RAB6B: variants seen among roughly 807,000 people sequenced by gnomAD.
RAB6B encodes the protein RAB6B, member RAS oncogene family.
Under a neutral mutation model 31.2 loss-of-function variants are expected in RAB6B, and 7 were observed. The ratio of observed to expected loss-of-function variants is 0.22; its 90% CI spans 0.13 to 0.42. The LOEUF (loss-of-function observed/expected upper bound fraction) is 0.42. Ranked by LOEUF, RAB6B falls within the 10% of genes least tolerant of loss-of-function variation. The pLI is 1.00. For missense variants in RAB6B, 149 were observed against 280.6 expected (o/e 0.53, Z 3.35); for synonymous variants, 105 against 104.9 (o/e 1.00, Z -0.01).
intron 1 of RAB6B, among the ~76,000 whole-genome samples, chr3:133,869,041 G>C (rs116553060): frequency 6.6e-6 from 1 of 152,176 alleles, no homozygotes; most frequent in African/African-American, 2.4e-5. Flanking sequence ...CAGGGGTGCA[G>C]GTGGCCGGGC....
chr3:133,833,218 C>A (rs145686758), intron 7 of RAB6B, among the ~76,000 whole-genome samples: 10 of 152,298 alleles, frequency 6.6e-5, no homozygotes, highest in Admixed American at 1.3e-4. Context: ...GGGGCTCTCT[C>A]CTGAGCTCTG....
At chr3:133,871,981 G>A (rs1534169) in intron 1 of RAB6B, among the ~76,000 whole-genome samples, 47,936 of 152,148 alleles carry the variant, frequency 0.32, 9,160 homozygotes, top group Non-Finnish European at 0.43. Flanking sequence ...GAGAGGGCAG[G>A]CAGGACAGAT....
At chr3:133,851,590 A>G (rs1935985071) in intron 2 of RAB6B, among the ~76,000 whole-genome samples, 1 of 152,202 alleles carries the variant, frequency 6.6e-6, no homozygotes, top group Non-Finnish European at 1.5e-5. Flanking sequence ...CACATGAGTG[A>G]TATCAAGAAG....
chr3:133,877,358 G>C (rs947035673), intron 1 of RAB6B, among the ~76,000 whole-genome samples: 1 of 152,350 alleles, frequency 6.6e-6, no homozygotes, highest in East Asian at 1.9e-4. Context: ...AAATGGACTA[G>C]AGGAAACAGT....
At chr3:133,855,908 G>A (rs1436629164) in intron 2 of RAB6B, among the ~76,000 whole-genome samples, 1 of 152,160 alleles carries the variant, frequency 6.6e-6, no homozygotes, top group Non-Finnish European at 1.5e-5. Context: ...CGGTAATGGT[G>A]TGACTCAATT....
chr3:133,828,845 G>A lies in RAB6B; in HGVS notation c.570C>T (p.Asp190=). Reference sequence around the variant, plus strand: ...GCTCCTGGGGTTTGTCCAGCTTGATGTCGATCACTGCAGGGGGACGGGCTA... The same window carrying A: ...GCTCCTGGGGTTTGTCCAGCTTGATATCGATCACTGCAGGGGGACGGGCTA... ...VQEKSKEGMI[D]IKLDKPQEPP... is the part of the protein sequence containing the mutation. The change falls in exon 8 of 8, where the codon GAC becomes GAT. Residue 190 remains aspartate, a synonymous_variant. Transcript: ENST00000285208. 1 of 1,612,484 alleles carries A rather than the reference G, an allele frequency of 6.2e-7. No individual in the cohort carries two copies. Among genetic ancestry groups the A allele is most frequent in the South Asian group, 1.1e-5 (1 of 90,996 alleles).
intron 1 of RAB6B, among the ~76,000 whole-genome samples, chr3:133,873,310 A>T (rs1936351162): frequency 6.6e-6 from 1 of 152,160 alleles, no homozygotes; most frequent in African/African-American, 2.4e-5. Context: ...GTTGCTGGGG[A>T]CATGACGGTC....
intron 2 of RAB6B, among the ~76,000 whole-genome samples, chr3:133,845,187 G>A (rs540020219): frequency 4.6e-5 from 7 of 152,262 alleles, no homozygotes; most frequent in South Asian, 2.1e-4. Context: ...TAAATCTATC[G>A]CTGTGGTCTG....
chr3:133,883,969 A>C (rs1043873693), intron 1 of RAB6B, among the ~76,000 whole-genome samples: 2 of 152,124 alleles, frequency 1.3e-5, no homozygotes, highest in Non-Finnish European at 2.9e-5. Flanking sequence ...CAGCCTTCCA[A>C]ACCAGTTTTT....
intron 2 of RAB6B, among the ~76,000 whole-genome samples, chr3:133,859,682 A>C (rs1281252116): frequency 6.6e-6 from 1 of 152,322 alleles, no homozygotes; most frequent in East Asian, 1.9e-4. Context: ...CATGTTGAAT[A>C]AAGCATAGCC....
intron 2 of RAB6B, among the ~76,000 whole-genome samples, chr3:133,844,025 TCAAAGGTAGGC>T (rs1935873524): frequency 6.6e-6 from 1 of 152,210 alleles, no homozygotes; most frequent in African/African-American, 2.4e-5. Flanking sequence ...AACGTATCTC[TCAAAGGTAGGC>T]ACCTGATGGT....
intron 7 of RAB6B, 54 bp from the exon 8 acceptor site, chr3:133,828,906 C>A: frequency 6.7e-7 from 1 of 1,486,658 alleles, no homozygotes; most frequent in Non-Finnish European, 9.2e-7. Context: ...TGCCACCCCA[C>A]TTAGCCCTGT....
chr3:133,873,787 T>C (rs555909906), intron 1 of RAB6B, among the ~76,000 whole-genome samples: 1 of 152,338 alleles, frequency 6.6e-6, no homozygotes, highest in African/African-American at 2.4e-5. Context: ...GACTTTTTAG[T>C]CCCACAAAAC....
chr3:133,857,021 T>C (rs7644124), intron 2 of RAB6B, among the ~76,000 whole-genome samples: 100,746 of 152,158 alleles, frequency 0.66, 34,513 homozygotes, highest in African/African-American at 0.77. Context: ...TCTATGGGGT[T>C]GAGCATCATT....
At chr3:133,872,215 C>A (rs1269359281) in intron 1 of RAB6B, among the ~76,000 whole-genome samples, 2 of 152,232 alleles carry the variant, frequency 1.3e-5, no homozygotes, top group Non-Finnish European at 2.9e-5. Context: ...AGACCAGTAA[C>A]CCAGTCCTAG....
At chr3:133,846,887 CAT>C (rs1430669303) in intron 2 of RAB6B, among the ~76,000 whole-genome samples, 7 of 152,162 alleles carry the variant, frequency 4.6e-5, no homozygotes, top group African/African-American at 1.7e-4. Flanking sequence ...GAAGACAAAA[CAT>C]AAACATTTTC....
chr3:133,860,078 C>A (rs1185771766), intron 2 of RAB6B, among the ~76,000 whole-genome samples: 2 of 152,158 alleles, frequency 1.3e-5, no homozygotes, highest in African/African-American at 4.8e-5. Context: ...GGTGCCCAAG[C>A]TGAGGAATAG....
chr3:133,843,132 T>C (rs1435346508), intron 2 of RAB6B, among the ~76,000 whole-genome samples: 1 of 152,102 alleles, frequency 6.6e-6, no homozygotes, highest in African/African-American at 2.4e-5. Flanking sequence ...CACAAAGATA[T>C]GGGGGGTCAT....
intron 1 of RAB6B, among the ~76,000 whole-genome samples, chr3:133,873,033 C>T (rs897299728): frequency 6.6e-6 from 1 of 152,198 alleles, no homozygotes; most frequent in African/African-American, 2.4e-5. Context: ...CTCACTTCTC[C>T]ACTGAGTGCC....
Sources: allele counts gnomAD v4.1 joint callset (sites outside exome capture counted in the v4.1 genomes callset), GRCh38; gene constraint gnomAD v4.1.1; transcripts MANE v1.5; gene names NCBI Gene and HGNC (gene_info 2026-07-23, HGNC 2026-07-21).